TSGA10: variants seen among roughly 807,000 people sequenced by gnomAD.
The protein encoded by TSGA10 is testis-specific gene 10 protein.
In TSGA10, 43 loss-of-function variants were observed where a neutral mutation model predicts 96.6. The observed-to-expected ratio is 0.44, with a 90% CI of 0.35 to 0.57. The LOEUF is 0.57. Ranked by LOEUF, TSGA10 falls within the 20% of genes least tolerant of loss-of-function variation. The pLI, the probability that TSGA10 is intolerant of heterozygous loss-of-function variation, is 0.01. For synonymous variants in TSGA10, 229 were observed against 269.9 expected, an observed-to-expected ratio of 0.85 and a Z score of 1.48; for missense variants, 703 against 834.4, an observed-to-expected ratio of 0.84 and a Z score of 1.94.
At chr2:99,044,774 T>C (rs1013904624) in intron 16 of TSGA10, among the ~76,000 whole-genome samples, 8 of 152,140 alleles carry the variant, frequency 5.3e-5, no homozygotes, top group Non-Finnish European at 1.0e-4. Context: ...GACCATATAA[T>C]TGGAAGTAAA....
At chr2:99,034,439 T>C (rs17022180) in intron 17 of TSGA10, among the ~76,000 whole-genome samples, 8,233 of 152,094 alleles carry the variant, frequency 0.054, 417 homozygotes, top group East Asian at 0.21. Flanking sequence ...GGTTTGGTAA[T>C]AACAGAACTT....
intron 12 of TSGA10, among the ~76,000 whole-genome samples, chr2:99,075,662 T>C (rs1315170865): frequency 2.0e-5 from 3 of 152,172 alleles, no homozygotes; most frequent in Non-Finnish European, 4.4e-5. Flanking sequence ...TGCAAGTTAT[T>C]TTCCCTACAG....
At chr2:99,103,838 C>G (rs566759485) in intron 10 of TSGA10, 129 bp downstream of exon 10, 1 of 1,138,442 alleles carries the variant, frequency 8.8e-7, no homozygotes, top group African/African-American at 1.6e-5. Flanking sequence ...CCAAGGGTTC[C>G]TACAACTGCT....
intron 12 of TSGA10, among the ~76,000 whole-genome samples, chr2:99,074,832 G>A (rs958423983): frequency 5.9e-5 from 9 of 152,004 alleles, no homozygotes; most frequent in Non-Finnish European, 7.4e-5. Context: ...AGTGGTGGGC[G>A]CCTATAATCC....
intron 1 of TSGA10, among the ~76,000 whole-genome samples, chr2:99,133,674 A>T (rs1186865119): frequency 6.6e-6 from 1 of 152,162 alleles, no homozygotes; most frequent in Non-Finnish European, 1.5e-5. Flanking sequence ...CAGTTTCTTC[A>T]TAGTGTTGAT....
At chr2:99,048,254 C>T (rs2083004400) in intron 16 of TSGA10, among the ~76,000 whole-genome samples, 1 of 152,052 alleles carries the variant, frequency 6.6e-6, no homozygotes, top group South Asian at 2.1e-4. Context: ...AAAAAGAGCC[C>T]ATACAGCCAA....
At chr2:99,110,266 T>G (rs144912132) in intron 5 of TSGA10, among the ~76,000 whole-genome samples, 301 of 152,370 alleles carry the variant, frequency 2.0e-3, no homozygotes, top group African/African-American at 6.6e-3. Flanking sequence ...ATGCTGGATA[T>G]TCCATACTTG....
At chr2:99,141,944 G>C (rs760377655) in intron 1 of TSGA10, 1 of 152,466 alleles carries the variant, frequency 6.6e-6, no homozygotes, top group Non-Finnish European at 1.5e-5. Context: ...CCCGGTGAGC[G>C]TGGGCAGCCT....
At chr2:99,069,321 T>C (rs2104496118) in intron 14 of TSGA10, among the ~76,000 whole-genome samples, 1 of 152,224 alleles carries the variant, frequency 6.6e-6, no homozygotes, top group South Asian at 2.1e-4. Flanking sequence ...TGGTAAAGAA[T>C]GGGCATTTCC....
chr2:99,075,825 G>A (rs1181762606), intron 12 of TSGA10, among the ~76,000 whole-genome samples: 1 of 152,116 alleles, frequency 6.6e-6, no homozygotes, highest in African/African-American at 2.4e-5. Context: ...ACAAGAAAAT[G>A]AGATTTTGAA....
At chr2:99,005,205 TG>T (rs2078349951) in intron 20 of TSGA10, among the ~76,000 whole-genome samples, 1 of 152,190 alleles carries the variant, frequency 6.6e-6, no homozygotes, top group Admixed American at 6.5e-5. Flanking sequence ...GGGCAAAAAC[TG>T]GAAGCATTCC....
intron 14 of TSGA10, among the ~76,000 whole-genome samples, chr2:99,070,252 G>A (rs1336994338): frequency 6.6e-6 from 1 of 152,072 alleles, no homozygotes; most frequent in East Asian, 1.9e-4. Flanking sequence ...AGTACAGTAA[G>A]TGCTTTCCAG....
Position 99,127,130 on chromosome 2 carries a change from T to C in TSGA10, c.-574A>G. ...GAGAGTATTCTGGTAGTTTTCAGCT[T>C]CAGAAACTGGAGCCCCTAGACCAAA... On this transcript the variant is annotated 5_prime_UTR_variant, in exon 2 of 21. Transcript: ENST00000393483. 7.8e-7 allele frequency: 1 copy of C among 1,289,450 alleles called. No homozygotes were observed. Among genetic ancestry groups the C allele is most frequent in the Non-Finnish European group, 1.0e-6 (1 of 988,708 alleles). The allele number at this position is 1,289,450 out of a possible 1,614,324, so 79.9% of individuals were successfully genotyped here.
At chr2:99,091,518 T>C (rs774954942) in intron 10 of TSGA10, among the ~76,000 whole-genome samples, 1 of 152,114 alleles carries the variant, frequency 6.6e-6, no homozygotes, top group Non-Finnish European at 1.5e-5. Flanking sequence ...AATGGCAGAA[T>C]TGATAATTCA....
In TSGA10 at chr2:99,127,142, GC is replaced by G; in HGVS notation, c.-587del. 2 of 1,289,206 alleles carry G rather than the reference GC, an allele frequency of 1.6e-6. No homozygotes were observed. The highest frequency in any genetic ancestry group is 5.6e-5 in the East Asian group (1 of 18,000). 79.9% of individuals were successfully genotyped at this position (1,289,206 alleles called of 1,614,324 possible). A position where few individuals can be genotyped will look rare whatever the true frequency, so the allele number is the denominator to read the frequency against. Reference sequence around the variant, plus strand: ...GTAGTTTTCAGCTTCAGAAACTGGAGCCCCTAGACCAAAATCATATTCTTTG... The same window carrying G: ...GTAGTTTTCAGCTTCAGAAACTGGAGCCCTAGACCAAAATCATATTCTTTG... On this transcript the variant is annotated 5_prime_UTR_variant, in exon 2 of 21. Transcript: ENST00000393483.
At chr2:99,125,100 T>C (rs1163631887) in intron 2 of TSGA10, 2 of 152,164 alleles carry the variant, frequency 1.3e-5, no homozygotes, top group African/African-American at 2.4e-5. Context: ...ATGGTTTCTA[T>C]AGTTTTATCA....
intron 10 of TSGA10, chr2:99,102,142 T>A: frequency 6.8e-7 from 1 of 1,474,276 alleles, no homozygotes; most frequent in Non-Finnish European, 9.5e-7. Flanking sequence ...AAATCGATCA[T>A]GGAGCTGATG....
At chr2:99,038,954 T>C (rs2081927425) in intron 16 of TSGA10, among the ~76,000 whole-genome samples, 1 of 151,926 alleles carries the variant, frequency 6.6e-6, no homozygotes, top group Admixed American at 6.6e-5. Context: ...CAAACCACAA[T>C]GGAATAAAAC....
intron 16 of TSGA10, among the ~76,000 whole-genome samples, chr2:99,045,797 T>C (rs942564502): frequency 1.3e-5 from 2 of 152,122 alleles, no homozygotes; most frequent in Non-Finnish European, 2.9e-5. Context: ...GCAAATTTGA[T>C]AGAGTCAAGA....
Sources: allele counts gnomAD v4.1 joint callset (sites outside exome capture counted in the v4.1 genomes callset), GRCh38; gene constraint gnomAD v4.1.1; transcripts MANE v1.5; gene names NCBI Gene and HGNC (gene_info 2026-07-23, HGNC 2026-07-21).